Variants in HIVEP1 observed in about 807,000 individuals in gnomAD.
The protein encoded by HIVEP1 is HIVEP zinc finger 1, also known as zinc finger protein 40.
HIVEP1 carries 36 observed loss-of-function variants against 180.0 expected under a neutral mutation model. The ratio of observed to expected loss-of-function variants is 0.20; its 90% confidence interval spans 0.15 to 0.26. HIVEP1 has a LOEUF of 0.26. Among genes scored for constraint, HIVEP1 ranks in the 10% least tolerant of loss-of-function variants. The pLI is 1.00. For synonymous variants in HIVEP1, 1,239 were observed against 1,239.0 expected (o/e 1.00, Z 0.00); for missense variants, 3,143 against 3,268.7 (o/e 0.96, Z 0.94).
At chr6:12,201,697 A>G in the HIVEP1 span, among the ~76,000 whole-genome samples, 2 of 152,272 alleles carry the variant, frequency 1.3e-5, no homozygotes, top group South Asian at 4.1e-4. Flanking sequence ...TGGATTGTAT[A>G]CTCTCAGATT....
the HIVEP1 span, among the ~76,000 whole-genome samples, chr6:12,187,593 C>A: frequency 7.1e-6 from 1 of 139,926 alleles, no homozygotes; most frequent in Admixed American, 7.2e-5. Context: ...CCAAATAAAT[C>A]TTTTTTTTTT....
chr6:12,034,219 A>T (rs774030330), intron 2 of HIVEP1, among the ~76,000 whole-genome samples: 1 of 152,214 alleles, frequency 6.6e-6, no homozygotes, highest in Non-Finnish European at 1.5e-5. Context: ...TTTGGTCTGA[A>T]TCTTGTACTT....
the HIVEP1 span, among the ~76,000 whole-genome samples, chr6:12,210,664 T>C: frequency 1.3e-5 from 2 of 152,198 alleles, no homozygotes; most frequent in Non-Finnish European, 2.9e-5. Context: ...GGGGACTGAA[T>C]TGAATAATTT....
chr6:12,163,917 A>C lies in HIVEP1; in HGVS notation c.7613A>C (p.Gln2538Pro), dbSNP rs765413137. 1.2e-6 allele frequency: 2 copies of C among 1,613,998 alleles called. No individual in the cohort carries two copies. Among genetic ancestry groups the C allele is most frequent in the African/African-American group, 2.7e-5 (2 of 74,902 alleles). The change falls in exon 9 of 9, where the codon CAG (glutamine) becomes CCG (proline). Residue 2538 changes from glutamine to proline, a missense_variant. By Grantham distance (76) the Gln-to-Pro change is moderately conservative (BLOSUM62 -1). Around this residue, in one of 12 missense-constraint regions of HIVEP1, gnomAD observed 595 missense variants for 602.2 expected, o/e 0.99. Coordinates refer to ENST00000379388, the MANE Select transcript of HIVEP1 (RefSeq NM_002114.4). ...NPSSQSSPAPQAHIPGLQILN... is the reference protein window; with the variant it reads ...NPSSQSSPAPPAHIPGLQILN... ...TCATCACAAAGCAGCCCCGCCCCTC[A>C]GGCACACATTCCAGGTCTCCAGATC... is the stretch of plus-strand genomic sequence containing the variant.
chr6:12,008,787 T>A (rs1767131324), upstream of HIVEP1: 1 of 152,122 alleles, frequency 6.6e-6, no homozygotes, highest in Admixed American at 6.5e-5. Context: ...ACTTCCAACC[T>A]AGGAGGCTTT....
intron 6 of HIVEP1, among the ~76,000 whole-genome samples, chr6:12,132,168 G>T (rs527301016): frequency 6.6e-6 from 1 of 152,176 alleles, no homozygotes; most frequent in Non-Finnish European, 1.5e-5. Flanking sequence ...TGTCATTGGA[G>T]GGTGAGTTTA....
chr6:12,046,706 G>A (rs1363718258), intron 2 of HIVEP1, among the ~76,000 whole-genome samples: 2 of 151,974 alleles, frequency 1.3e-5, no homozygotes, highest in Non-Finnish European at 2.9e-5. Context: ...TTGAACCCAG[G>A]AGGTGGAGGT....
the HIVEP1 span, among the ~76,000 whole-genome samples, chr6:12,197,089 A>T: frequency 6.6e-6 from 1 of 152,320 alleles, no homozygotes; most frequent in Admixed American, 6.5e-5. Context: ...CCTCAAAGAA[A>T]GAGTCTCTAA....
chr6:12,167,563 A>G (rs1760735509), downstream of HIVEP1, among the ~76,000 whole-genome samples: 1 of 75,590 alleles, frequency 1.3e-5, no homozygotes, highest in Non-Finnish European at 2.6e-5. Context: ...TGTATATATT[A>G]CATGCATGTT....
upstream of HIVEP1, among the ~76,000 whole-genome samples, chr6:12,011,609 C>G (rs1333626300): frequency 1.3e-5 from 2 of 150,072 alleles, no homozygotes; most frequent in African/African-American, 4.9e-5. Context: ...CTCCCGCGTC[C>G]CCCTCCCGTC....
chr6:12,029,749 T>A (rs1011824422), intron 2 of HIVEP1, among the ~76,000 whole-genome samples: 5 of 152,212 alleles, frequency 3.3e-5, no homozygotes, highest in Admixed American at 2.0e-4. Context: ...TGATATATGC[T>A]TAATCCCTTT....
chr6:12,037,895 G>C (rs1769396159), intron 2 of HIVEP1: 2 of 395,194 alleles, frequency 5.1e-6, no homozygotes, highest in Admixed American at 4.4e-5. Flanking sequence ...TTTTGGCGGA[G>C]GGGAGGGGAG....
chr6:12,097,963 T>A (rs1400590072), intron 3 of HIVEP1, among the ~76,000 whole-genome samples: 1 of 152,172 alleles, frequency 6.6e-6, no homozygotes, highest in Non-Finnish European at 1.5e-5. Flanking sequence ...CATTAGAGAC[T>A]TAAGTAGCTA....
chr6:12,011,835 C>G, upstream of HIVEP1, among the ~76,000 whole-genome samples: 1 of 146,944 alleles, frequency 6.8e-6, no homozygotes, highest in East Asian at 2.0e-4. Flanking sequence ...GCGCCCCTCG[C>G]CCCGGCCTCA....
Position 12,125,193 on chromosome 6 carries a change from A to C in HIVEP1, c.5398A>C (p.Arg1800=). The C allele has an allele frequency of 6.2e-7, 1 of 1,614,140 alleles. No homozygotes were observed. Among genetic ancestry groups the C allele is most frequent in the Non-Finnish European group, 8.5e-7 (1 of 1,180,008 alleles). The change falls in exon 4 of 9, where the codon AGA becomes CGA. Residue 1800 remains arginine (R), a synonymous_variant. Coordinates refer to ENST00000379388, the MANE Select transcript of HIVEP1 (RefSeq NM_002114.4). ...TAAACAGAAGAAGCCTATTTTAGTG[A>C]GACAGGTTTGTACTACAGAGCCCCT... ...ASKQKKPILV[R]QVCTTEPLDG... is the part of the protein sequence containing the mutation.
At chr6:12,168,313 T>TATATACATATATACAATATA (rs70981670), downstream of HIVEP1, among the ~76,000 whole-genome samples, 2 of 113,072 alleles carry the variant, frequency 1.8e-5, no homozygotes, top group South Asian at 5.1e-4. Context: ...ATACATATAT[T>TATATACATATATACAATATA]ATATACATAT....
the HIVEP1 span, among the ~76,000 whole-genome samples, chr6:12,194,550 C>T: frequency 4.8e-4 from 73 of 151,974 alleles, 1 homozygote; most frequent in East Asian, 0.013. Context: ...GCTGTAATCC[C>T]AGCACTTTGG....
At chr6:12,204,321 C>G in the HIVEP1 span, among the ~76,000 whole-genome samples, 5 of 51,192 alleles carry the variant, frequency 9.8e-5, no homozygotes, top group Non-Finnish European at 4.4e-5. Context: ...GCCAGCACCA[C>G]GGCACCCTGC....
At chr6:12,042,995 T>C (rs1169444671) in intron 2 of HIVEP1, among the ~76,000 whole-genome samples, 1 of 152,210 alleles carries the variant, frequency 6.6e-6, no homozygotes, top group Non-Finnish European at 1.5e-5. Context: ...GATTTCTCAG[T>C]GTTGTTTACT....
Sources: gnomAD v4.1 joint callset for allele counts (sites outside exome capture counted in the v4.1 genomes callset) on GRCh38, gnomAD v4.1.1 for gene constraint, gnomAD v4.1.1 regional missense constraint, MANE v1.5 for transcripts, NCBI Gene and HGNC (gene_info 2026-07-23, HGNC 2026-07-21) for gene names.